The following TSC22D4 variants were observed in gnomAD, a reference collection of about 807,000 sequenced individuals.
TSC22D4 encodes the protein TSC22 domain family member 4, also known as TSC22 domain family protein 4.
In TSC22D4, 5 loss-of-function variants were observed where a neutral mutation model predicts 24.9. The ratio of observed to expected loss-of-function variants is 0.20; its 90% CI spans 0.10 to 0.42. TSC22D4 has a LOEUF of 0.42. Among genes scored for constraint, TSC22D4 ranks in the 10% least tolerant of loss-of-function variants. The pLI, the probability that TSC22D4 is intolerant of heterozygous loss-of-function variation, is 1.00. For synonymous variants in TSC22D4, 245 were observed against 243.2 expected (o/e 1.01, Z -0.07); for missense variants, 469 against 547.9 (o/e 0.86, Z 1.44).
At chr7:100,468,451 G>C (rs1038853897) in intron 3 of TSC22D4, among the ~76,000 whole-genome samples, 1 of 152,128 alleles carries the variant, frequency 6.6e-6, no homozygotes, top group Non-Finnish European at 1.5e-5. Context: ...AGGTGGCTGG[G>C]GTAGGGGGCG....
chr7:100,470,744 G>C (rs1328564061), intron 3 of TSC22D4, among the ~76,000 whole-genome samples: 1 of 152,184 alleles, frequency 6.6e-6, no homozygotes, highest in Non-Finnish European at 1.5e-5. Flanking sequence ...GAAAGTAGGG[G>C]CTGCTGAGAC....
chr7:100,475,389 C>T (rs1205842441), intron 2 of TSC22D4, among the ~76,000 whole-genome samples: 1 of 152,162 alleles, frequency 6.6e-6, no homozygotes, highest in Non-Finnish European at 1.5e-5. Flanking sequence ...ACCCAGGCTG[C>T]CTTCTTAAAA....
Position 100,477,918 on chromosome 7 carries a change from G to A in TSC22D4, c.121C>T (p.Pro41Ser), listed in dbSNP as rs1799537403. Reference sequence around the variant, plus strand: ...CTGGGCTCCCCATTGGGCAGGCGGGGCGGGGGCCCGGTTGGGGGCTGTGGG... The same window carrying A: ...CTGGGCTCCCCATTGGGCAGGCGGGACGGGGGCCCGGTTGGGGGCTGTGGG... ...PTPQPPTGPP[P>S]RLPNGEPSPD... Residue 41 changes from proline to serine, a missense_variant, in exon 2 of 5, where the codon CCC becomes TCC. Transcript: ENST00000300181. This position sits in a 1 kb window ranked among gnomAD's most constrained non-coding sequence, Gnocchi z 7.8. 1 of 1,554,526 alleles carries A rather than the reference G, an allele frequency of 6.4e-7. No individual in the cohort carries two copies. The highest frequency in any genetic ancestry group is 2.4e-5 in the East Asian group (1 of 41,936).
chr7:100,467,692 T>A (rs568112398), intron 3 of TSC22D4, 92 bp from the exon 4 acceptor site: 1 of 1,229,710 alleles, frequency 8.1e-7, no homozygotes, highest in Non-Finnish European at 1.2e-6. Flanking sequence ...CACCCCCCTG[T>A]ACCTGTGACA....
chr7:100,477,192 G>A lies in TSC22D4; in HGVS notation c.762+85C>T, dbSNP rs1563183254. 9.5e-7 allele frequency: 1 copy of A among 1,057,504 alleles called. No homozygotes were observed. The highest frequency in any genetic ancestry group is 2.7e-5 in the South Asian group (1 of 36,754). 65.5% of individuals were successfully genotyped at this position (1,057,504 alleles called of 1,614,324 possible). Reference sequence around the variant, plus strand: ...CTTATAAAGTGATGGAGAAGGAGGAGGAGAGGGGGGGGAGGAGGAGGAAGG... The same window carrying A: ...CTTATAAAGTGATGGAGAAGGAGGAAGAGAGGGGGGGGAGGAGGAGGAAGG... On this transcript the variant is annotated intron_variant, in intron 2 of 4. Transcript: ENST00000300181. The surrounding 1 kb of genome is among the most constrained non-coding windows in gnomAD (Gnocchi z 7.8).
At position 100,479,173 on chromosome 7, in the gene TSC22D4, G is replaced by C. The variant is rs1033370306; in HGVS notation, c.-649C>G. 6.5e-6 allele frequency: 1 copy of C among 152,914 alleles called. No individual in the cohort carries two copies. The highest frequency in any genetic ancestry group is 2.4e-5 in the African/African-American group (1 of 41,442). 9.5% of individuals were successfully genotyped at this position (152,914 alleles called of 1,614,324 possible). A position where few individuals can be genotyped will look rare whatever the true frequency, so the allele number is the denominator to read the frequency against. On this transcript the variant is annotated 5_prime_UTR_variant, in exon 1 of 5. Coordinates refer to ENST00000300181, the MANE Select transcript of TSC22D4 (RefSeq NM_030935.5). ...TGTCTCCGCTCCTCGGCTCCCCTGG[G>C]TCTCTGCCTCTCCGTCTTTCTCTTT...
intron 3 of TSC22D4, 165 bp from the exon 4 acceptor site, chr7:100,467,765 G>A (rs1475784662): frequency 2.7e-6 from 2 of 749,116 alleles, no homozygotes; most frequent in Non-Finnish European, 4.7e-6. Flanking sequence ...CGCTGCCCAG[G>A]GCCTCCCAGG....
At chr7:100,467,334 C>T in intron 4 of TSC22D4, 166 bp from the exon 5 acceptor site, 1 of 880,478 alleles carries the variant, frequency 1.1e-6, no homozygotes, top group East Asian at 2.6e-5. Context: ...AGTCAGGGCT[C>T]AAAGACAGAG....
At position 100,477,909 on chromosome 7, in the gene TSC22D4, G is replaced by T; in HGVS notation, c.130C>A (p.Pro44Thr). The T allele has an allele frequency of 6.4e-7, 1 of 1,559,948 alleles. No individual in the cohort carries two copies. Among genetic ancestry groups the T allele is most frequent in the Middle Eastern group, 1.9e-4 (1 of 5,156 alleles). The change falls in exon 2 of 5, where the codon CCC becomes ACC. Residue 44 changes from proline to threonine, a missense_variant. By Grantham distance (38) the Pro-to-Thr change is conservative. Coordinates refer to ENST00000300181, the MANE Select transcript of TSC22D4 (RefSeq NM_030935.5). The surrounding 1 kb of genome is among the most constrained non-coding windows in gnomAD (Gnocchi z 7.8). ...QPPTGPPPRL[P>T]NGEPSPDPGG... ...GGATCGGGGCTGGGCTCCCCATTGG[G>T]CAGGCGGGGCGGGGGCCCGGTTGGG...
chr7:100,477,424 GC>G lies in TSC22D4; in HGVS notation c.614del (p.Gly205AlafsTer12). 1 of 1,588,286 alleles carries G rather than the reference GC, an allele frequency of 6.3e-7. No homozygotes were observed. Among genetic ancestry groups the G allele is most frequent in the South Asian group, 1.1e-5 (1 of 87,938 alleles). On this transcript the variant is annotated frameshift_variant, in exon 2 of 5. Coordinates refer to ENST00000300181, the MANE Select transcript of TSC22D4 (RefSeq NM_030935.5). LOFTEE classifies it high-confidence loss of function. The surrounding 1 kb of genome is among the most constrained non-coding windows in gnomAD (Gnocchi z 7.8). ...PPEPETGESA[G>X]TSRAATPLPS... ...GCAGGGGCGTGGCAGCCCGGGATGT[GC>G]CCGCACTCTCACCGGTCTCAGGCTC...
intron 1 of TSC22D4, 95 bp from the exon 2 acceptor site, chr7:100,478,402 A>T (rs1029385175): frequency 5.8e-5 from 7 of 120,228 alleles, no homozygotes; most frequent in East Asian, 2.5e-4. Context: ...TGTGTGTGTG[A>T]AACCAGTGGG....
chr7:100,474,390 G>T lies in TSC22D4; in HGVS notation c.813C>A (p.His271Gln). The T allele has an allele frequency of 1.2e-6, 2 of 1,614,134 alleles. No homozygotes were observed. Among genetic ancestry groups the T allele is most frequent in the Non-Finnish European group, 1.7e-6 (2 of 1,180,026 alleles). ...GAGATTTGTGAACCAGGCTGGCATC[G>T]TGGGTGAAGTAGAGGGCTGGGGAGC... is the stretch of plus-strand genomic sequence containing the variant. ...RPSSPALYFT[H>Q]DASLVHKSPD... The change falls in exon 3 of 5, where the codon CAC becomes CAA. Residue 271 changes from histidine (H) to glutamine (Q), a missense_variant. Physicochemically the swap from His to Gln is conservative, Grantham distance 24. Coordinates refer to ENST00000300181, the MANE Select transcript of TSC22D4 (RefSeq NM_030935.5). The surrounding 1 kb of genome is among the most constrained non-coding windows in gnomAD (Gnocchi z 4.3).
chr7:100,470,083 G>A lies in TSC22D4; in HGVS notation c.930-2483C>T, dbSNP rs143821224. On this transcript the variant is annotated intron_variant, in intron 3 of 4. Transcript: ENST00000300181. ...CGAGCTATTTCAATCAGCAACACCT[G>A]GGTGGAGATGGAGCCACCACAGAAA... Among the ~76,000 whole-genome samples, 168 of 152,234 alleles carry A rather than the reference G, an allele frequency of 1.1e-3. 1 individual carries two copies. The highest frequency in any genetic ancestry group is 3.9e-3 in the African/African-American group (161 of 41,512).
chr7:100,468,474 C>T (rs999869272), intron 3 of TSC22D4, among the ~76,000 whole-genome samples: 3 of 152,112 alleles, frequency 2.0e-5, no homozygotes, highest in Non-Finnish European at 4.4e-5. Context: ...CTGACGTGCT[C>T]GTGGTCTTCC....
At position 100,477,025 on chromosome 7, in the gene TSC22D4, A is replaced by C. The variant is rs537620028; in HGVS notation, c.762+252T>G. Among the ~76,000 whole-genome samples the C allele has an allele frequency of 5.9e-5, 9 of 152,286 alleles. No individual in the cohort carries two copies. The highest frequency in any genetic ancestry group is 2.2e-4 in the African/African-American group (9 of 41,562). Reference sequence around the variant, plus strand: ...GGGGGCCACATATGCTACAGGCTACATGAAGACCAAGACAGAGAATCAGAG... The same window carrying C: ...GGGGGCCACATATGCTACAGGCTACCTGAAGACCAAGACAGAGAATCAGAG... On this transcript the variant is annotated intron_variant, in intron 2 of 4. Transcript: ENST00000300181. The surrounding 1 kb of genome is among the most constrained non-coding windows in gnomAD (Gnocchi z 7.8).
In TSC22D4 at chr7:100,466,871, G is replaced by C; in HGVS notation, c.*88C>G. 1.5e-6 allele frequency: 2 copies of C among 1,302,426 alleles called. No individual in the cohort carries two copies. The highest frequency in any genetic ancestry group is 2.1e-6 in the Non-Finnish European group (2 of 961,474). 80.7% of individuals were successfully genotyped at this position (1,302,426 alleles called of 1,614,324 possible). A position where few individuals can be genotyped will look rare whatever the true frequency, so the allele number is the denominator to read the frequency against. On this transcript the variant is annotated 3_prime_UTR_variant, in exon 5 of 5. Coordinates refer to ENST00000300181, the MANE Select transcript of TSC22D4 (RefSeq NM_030935.5). ...CCTTGAACTCCCACCCCGGGGACAC[G>C]GGGACATTAAAGCTGCATAGGAAGA...
chr7:100,469,372 G>A (rs1404536915), intron 3 of TSC22D4, among the ~76,000 whole-genome samples: 1 of 152,144 alleles, frequency 6.6e-6, no homozygotes, highest in Non-Finnish European at 1.5e-5. Context: ...AGAGGGCTGG[G>A]AGTCTGGGGT....
At chr7:100,467,966 A>C (rs755525649) in intron 3 of TSC22D4, 14 of 500,460 alleles carry the variant, frequency 2.8e-5, no homozygotes, top group Non-Finnish European at 4.9e-5. Flanking sequence ...GGGTCCTTAG[A>C]CACCCCCCCA....
At chr7:100,471,870 A>G (rs1471516165) in intron 3 of TSC22D4, among the ~76,000 whole-genome samples, 4 of 152,126 alleles carry the variant, frequency 2.6e-5, no homozygotes, top group Non-Finnish European at 5.9e-5. Context: ...GACCCAAGGG[A>G]GGCACTGGAT....
Sources: gnomAD v4.1 joint callset for allele counts (sites outside exome capture counted in the v4.1 genomes callset) on GRCh38, gnomAD v4.1.1 for gene constraint, Gnocchi (gnomAD v3.1) non-coding constraint, MANE v1.5 for transcripts, NCBI Gene and HGNC (gene_info 2026-07-23, HGNC 2026-07-21) for gene names.